SLC5A9: variants seen among roughly 807,000 people sequenced by gnomAD.
SLC5A9 encodes sodium/glucose cotransporter 4.
SLC5A9 carries 59 observed loss-of-function variants against 70.9 expected under a neutral mutation model. That is an observed-to-expected ratio of 0.83 (90% CI 0.68 to 1.03). The LOEUF (loss-of-function observed/expected upper bound fraction) is 1.03. Among genes scored for constraint, SLC5A9 ranks in the 50% least tolerant of loss-of-function variants. The probability of loss-of-function intolerance (pLI) is 0.00; values close to 1 mark genes in which losing one functional copy is unlikely to be tolerated. For synonymous variants in SLC5A9, 340 were observed against 346.5 expected (o/e 0.98, Z 0.21); for missense variants, 832 against 881.1 (o/e 0.94, Z 0.71).
rs966189273 is a variant in SLC5A9 at position 48,232,183 on chromosome 1, C to T, written c.897+32C>T. The T allele has an allele frequency of 4.4e-6, 7 of 1,589,802 alleles. No individual in the cohort carries two copies. In the Middle Eastern group the frequency reaches 5.1e-4, roughly 117 times the overall value. The stretch of plus-strand genomic sequence containing the variant: ...CCCCAGCCAGGCTTAGCCCAGCCTG[C>T]CAGGAAGTGGGGTGGCTTCCTGCAG... On this transcript the variant is annotated intron_variant, in intron 7 of 13. Coordinates refer to ENST00000438567, the MANE Select transcript of SLC5A9 (RefSeq NM_001011547.3).
intron 13 of SLC5A9, among the ~76,000 whole-genome samples, chr1:48,244,637 C>G (rs1194422609): frequency 1.4e-5 from 2 of 148,026 alleles, no homozygotes; most frequent in Admixed American, 7.0e-5. Flanking sequence ...TCAGAAGACA[C>G]TACCGAAGAT....
intron 3 of SLC5A9, 79 bp downstream of exon 3, chr1:48,229,033 C>A: frequency 1.2e-6 from 2 of 1,613,678 alleles, no homozygotes; most frequent in Admixed American, 1.7e-5. Flanking sequence ...CTGGGAGGAT[C>A]CTTAGAGATG....
At chr1:48,234,333 C>T (rs1430004091) in intron 9 of SLC5A9, among the ~76,000 whole-genome samples, 1 of 152,154 alleles carries the variant, frequency 6.6e-6, no homozygotes, top group Non-Finnish European at 1.5e-5. Context: ...GATGTCACAG[C>T]CAAGCCTTGT....
At chr1:48,226,980 T>C (rs1644156596) in intron 2 of SLC5A9, among the ~76,000 whole-genome samples, 1 of 151,678 alleles carries the variant, frequency 6.6e-6, no homozygotes, top group Non-Finnish European at 1.5e-5. Context: ...TTTGTTTCCA[T>C]GTGTGAGTAT....
At chr1:48,224,363 G>A (rs1206533573) in intron 1 of SLC5A9, among the ~76,000 whole-genome samples, 1 of 152,350 alleles carries the variant, frequency 6.6e-6, no homozygotes, top group Admixed American at 6.5e-5. Flanking sequence ...GAGAAAGGGT[G>A]AGCACTACAC....
chr1:48,239,180 G>A lies in SLC5A9; in HGVS notation c.1462-142G>A, dbSNP rs576679972. 2 of 639,988 alleles carry A rather than the reference G, an allele frequency of 3.1e-6. No individual in the cohort carries two copies. The allele number at this position is 639,988 out of a possible 1,614,324, so 39.6% of individuals were successfully genotyped here. A position where few individuals can be genotyped will look rare whatever the true frequency, so the allele number is the denominator to read the frequency against. ...AAGACGAAGTCTCAGTATTAATGGA[G>A]AACTCATTTTCCCATTAGTAGATGG... is the stretch of plus-strand genomic sequence containing the variant. On this transcript the variant is annotated intron_variant, in intron 11 of 13. Transcript: ENST00000438567. This position sits in a 1 kb window ranked among gnomAD's most constrained non-coding sequence, Gnocchi z 4.2.
chr1:48,242,493 C>T lies in SLC5A9; in HGVS notation c.1714C>T (p.Leu572Phe), dbSNP rs1644402914. 2 of 1,612,644 alleles carry T rather than the reference C, an allele frequency of 1.2e-6. No homozygotes were observed. The highest frequency in any genetic ancestry group is 2.7e-5 in the African/African-American group (2 of 74,910). Residue 572 changes from leucine to phenylalanine, a missense_variant, in exon 13 of 14, where the codon CTC becomes TTC. Physicochemically the swap from Leu to Phe is conservative, Grantham distance 22 (BLOSUM62 0). Coordinates refer to ENST00000438567, the MANE Select transcript of SLC5A9 (RefSeq NM_001011547.3). ...CACATGGTGGACTCGGAACTGCCCC[C>T]TCTCTGAGCTGGAGAAGGAGGCCCA... ...RLTWWTRNCP[L>F]SELEKEAHES...
intron 13 of SLC5A9, 23 bp from the exon 14 acceptor site, chr1:48,247,312 G>C (rs1439010905): frequency 1.2e-6 from 2 of 1,609,642 alleles, no homozygotes; most frequent in Admixed American, 3.3e-5. Context: ...GCTCTCCTTT[G>C]TCTTCTGGCT....
At position 48,229,354 on chromosome 1, in the gene SLC5A9, T is replaced by C; in HGVS notation, c.399T>C (p.Gly133=). The part of the protein sequence containing the change: ...WVFVPVYIAA[G]VVTMPQYLKK... ...TCGTCCCTGTGTACATCGCAGCAGG[T>C]GTGGTCACAATGCCGCAGTATCTGA... Residue 133 remains glycine, a synonymous_variant, in exon 4 of 14, where the codon GGT becomes GGC. Transcript: ENST00000438567. 1 of 1,614,134 alleles carries C rather than the reference T, an allele frequency of 6.2e-7. No homozygotes were observed.
At chr1:48,225,785 C>T (rs777460824) in intron 2 of SLC5A9, among the ~76,000 whole-genome samples, 1 of 152,060 alleles carries the variant, frequency 6.6e-6, no homozygotes, top group South Asian at 2.1e-4. Context: ...CGCACTCACA[C>T]TCTCACTCTC....
intron 2 of SLC5A9, among the ~76,000 whole-genome samples, chr1:48,225,701 T>C (rs1206019994): frequency 1.3e-5 from 2 of 152,078 alleles, no homozygotes; most frequent in Non-Finnish European, 2.9e-5. Flanking sequence ...TGTTCATACA[T>C]GCCCGCACTC....
intron 1 of SLC5A9, among the ~76,000 whole-genome samples, chr1:48,223,203 C>T (rs950092923): frequency 6.6e-6 from 1 of 152,118 alleles, no homozygotes; most frequent in East Asian, 1.9e-4. Context: ...AGCCTCACTC[C>T]TTCCTTCTTC....
rs766447458 is a variant in SLC5A9, at chr1:48,239,571, A to G, written c.1677+34A>G. On this transcript the variant is annotated intron_variant, in intron 12 of 13. Transcript: ENST00000438567. This position sits in a 1 kb window ranked among gnomAD's most constrained non-coding sequence, Gnocchi z 4.2. The stretch of plus-strand genomic sequence containing the variant: ...TGTGCTCATACTGAGGCCCTCCAGA[A>G]ATGCTCTCCCTTCCCCCATAGCCTA... 4.4e-6 allele frequency: 7 copies of G among 1,588,704 alleles called. No homozygotes were observed. The highest frequency in any genetic ancestry group is 1.7e-4 in the Middle Eastern group (1 of 6,010).
intron 4 of SLC5A9, 31 bp from the exon 5 acceptor site, chr1:48,230,569 G>C: frequency 6.4e-7 from 1 of 1,563,288 alleles, no homozygotes; most frequent in Non-Finnish European, 8.8e-7. Flanking sequence ...GCCTCGGGTG[G>C]TCTGGCCTCT....
In SLC5A9 at chr1:48,247,392, C is replaced by G; in HGVS notation, c.1895C>G (p.Thr632Arg). ...AGCTGGTTCTGTGGGCTCTCTGGAA[C>G]ACCGGAGCAGGCCCTGAGCCCAGCA... ...LWSWFCGLSG[T>R]PEQALSPAEK... The change falls in exon 14 of 14, where the codon ACA becomes AGA. Residue 632 changes from threonine to arginine, a missense_variant. Coordinates refer to ENST00000438567, the MANE Select transcript of SLC5A9 (RefSeq NM_001011547.3). 1 of 1,614,158 alleles carries G rather than the reference C, an allele frequency of 6.2e-7. No individual in the cohort carries two copies. Among genetic ancestry groups the G allele is most frequent in the Non-Finnish European group, 8.5e-7 (1 of 1,180,024 alleles).
In SLC5A9 at chr1:48,229,475, A is replaced by G. The variant is rs779068143; in HGVS notation, c.504+16A>G. 2.5e-6 allele frequency: 4 copies of G among 1,613,024 alleles called. No individual in the cohort carries two copies. The highest frequency in any genetic ancestry group is 1.3e-5 in the African/African-American group (1 of 74,880). On this transcript the variant is annotated intron_variant, in intron 4 of 13. Transcript: ENST00000438567. Reference sequence around the variant, plus strand: ...CAAGATCTCGGTAGGTGTCACTGCAATGTGGTCACTGTGTCTGGAAATGCT... The same window carrying G: ...CAAGATCTCGGTAGGTGTCACTGCAGTGTGGTCACTGTGTCTGGAAATGCT...
At chr1:48,224,988 C>A (rs1316108396) in intron 2 of SLC5A9, among the ~76,000 whole-genome samples, 193 bp downstream of exon 2, 6 of 151,974 alleles carry the variant, frequency 3.9e-5, no homozygotes, top group Non-Finnish European at 8.8e-5. Flanking sequence ...TAGCACGCAC[C>A]TTGGACAAAC....
chr1:48,222,974 G>A, intron 1 of SLC5A9, 76 bp downstream of exon 1: 2 of 1,506,204 alleles, frequency 1.3e-6, no homozygotes, highest in Non-Finnish European at 1.8e-6. Context: ...TGTGGAGCTG[G>A]GGCAGGGCTA....
intron 12 of SLC5A9, 114 bp from the exon 13 acceptor site, chr1:48,242,343 T>C: frequency 7.7e-7 from 1 of 1,293,226 alleles, no homozygotes; most frequent in East Asian, 2.3e-5. Context: ...GCCCTGGCCT[T>C]GTTCTTTGTA....
Sources: allele counts gnomAD v4.1 joint callset (sites outside exome capture counted in the v4.1 genomes callset), GRCh38; gene constraint gnomAD v4.1.1; non-coding constraint Gnocchi (gnomAD v3.1); transcripts MANE v1.5; gene names NCBI Gene and HGNC (gene_info 2026-07-23, HGNC 2026-07-21).